Variants in HAAO observed in about 807,000 individuals in gnomAD.
The protein encoded by HAAO is 3-hydroxyanthranilate oxygenase.
A neutral mutation model predicts 46.2 loss-of-function variants in HAAO; 49 were observed. The ratio of observed to expected loss-of-function variants is 1.06; its 90% confidence interval spans 0.84 to 1.34. The LOEUF (loss-of-function observed/expected upper bound fraction) is 1.34. Ranked by LOEUF, HAAO falls within the 40% of genes most tolerant of loss-of-function variation. HAAO has a pLI of 0.00. For missense variants in HAAO, 408 were observed against 364.5 expected (o/e 1.12, Z -0.97); for synonymous variants, 157 against 145.2 (o/e 1.08, Z -0.58).
At chr2:42,768,225 A>G (rs1670821504) in intron 7 of HAAO, among the ~76,000 whole-genome samples, 1 of 152,226 alleles carries the variant, frequency 6.6e-6, no homozygotes, top group Admixed American at 6.5e-5. Flanking sequence ...ACCAGGGCAC[A>G]TGAGGGACGC....
At chr2:42,792,099 C>T (rs2104675861) in intron 1 of HAAO, among the ~76,000 whole-genome samples, 1 of 152,258 alleles carries the variant, frequency 6.6e-6, no homozygotes, top group Non-Finnish European at 1.5e-5. Context: ...TGCATTTCTG[C>T]CTTGAAAACC....
chr2:42,786,574 C>T (rs1347840967), intron 2 of HAAO, among the ~76,000 whole-genome samples: 1 of 152,164 alleles, frequency 6.6e-6, no homozygotes, highest in Non-Finnish European at 1.5e-5. Context: ...GCTGTTGTCC[C>T]CATGTGCTTA....
chr2:42,772,310 G>A (rs754946308), intron 4 of HAAO, among the ~76,000 whole-genome samples: 25 of 151,626 alleles, frequency 1.6e-4, no homozygotes, highest in Non-Finnish European at 3.2e-4. Flanking sequence ...GTGAAACCTC[G>A]TCTCTACTAA....
At chr2:42,770,369 G>C (rs1259567008) in intron 5 of HAAO, 124 bp downstream of exon 5, 11 of 904,368 alleles carry the variant, frequency 1.2e-5, no homozygotes, top group Non-Finnish European at 1.7e-5. Context: ...CCCTCCCCCC[G>C]GCCTGGCAGT....
In HAAO at chr2:42,783,355, C is replaced by G; in HGVS notation, c.309G>C (p.Val103=). ...CGGTCTCCAGCCGCCTTCGCTCAAC[C>G]ACCAGCCCCACGGTGTTGGCAAACC... ...PQRFANTVGL[V]VERRRLETEL... is the part of the protein sequence containing the mutation. Residue 103 remains valine, a synonymous_variant, in exon 4 of 10, where the codon GTG becomes GTC. Transcript: ENST00000294973. The G allele has an allele frequency of 6.2e-7, 1 of 1,613,476 alleles. No individual in the cohort carries two copies. Among genetic ancestry groups the G allele is most frequent in the South Asian group, 1.1e-5 (1 of 90,908 alleles).
chr2:42,789,948 C>CA (rs1415477852), intron 1 of HAAO, among the ~76,000 whole-genome samples: 1 of 152,176 alleles, frequency 6.6e-6, no homozygotes, highest in Non-Finnish European at 1.5e-5. Context: ...CCACAGAGGG[C>CA]AGGGGCAAGG....
chr2:42,792,565 T>G lies in HAAO; in HGVS notation c.-29A>C. On this transcript the variant is annotated 5_prime_UTR_variant, in exon 1 of 10. Coordinates refer to ENST00000294973, the MANE Select transcript of HAAO (RefSeq NM_012205.3). ...TGTCCCGGGCGCCTCCTCGCAGCGC[T>G]GTCCTCCCGCCGTCGGAGGCCCGCA... 1 of 1,499,946 alleles carries G rather than the reference T, an allele frequency of 6.7e-7. No individual in the cohort carries two copies. The highest frequency in any genetic ancestry group is 8.9e-7 in the Non-Finnish European group (1 of 1,122,170). 92.9% of individuals were successfully genotyped at this position (1,499,946 alleles called of 1,614,324 possible).
At position 42,783,885 on chromosome 2, in the gene HAAO, G is replaced by C; in HGVS notation, c.160-18C>G. 6.2e-7 allele frequency: 1 copy of C among 1,601,064 alleles called. No individual in the cohort carries two copies. The highest frequency in any genetic ancestry group is 8.5e-7 in the Non-Finnish European group (1 of 1,173,112). ...TAAAATACCTGTGGGACAGGAGAGAGGCTTGGACCCTCCGCACTTTCTCTT... is the reference window on the plus strand; with the variant it reads ...TAAAATACCTGTGGGACAGGAGAGACGCTTGGACCCTCCGCACTTTCTCTT... On this transcript the variant is annotated intron_variant, in intron 2 of 9. Coordinates refer to ENST00000294973, the MANE Select transcript of HAAO (RefSeq NM_012205.3).
At chr2:42,785,297 A>C (rs755651379) in intron 2 of HAAO, among the ~76,000 whole-genome samples, 1 of 152,222 alleles carries the variant, frequency 6.6e-6, no homozygotes, top group Non-Finnish European at 1.5e-5. Flanking sequence ...AAATGTAAAT[A>C]TTTGATGGTA....
intron 1 of HAAO, 59 bp from the exon 2 acceptor site, chr2:42,788,666 C>T (rs1298620379): frequency 2.7e-6 from 3 of 1,117,948 alleles, no homozygotes; most frequent in South Asian, 1.3e-5. Context: ...GAAGAGAGCA[C>T]GGGTCCCGTG....
intron 7 of HAAO, among the ~76,000 whole-genome samples, chr2:42,768,581 GC>G (rs1289532728): frequency 3.3e-5 from 5 of 152,146 alleles, no homozygotes; most frequent in African/African-American, 9.7e-5. Flanking sequence ...GAAGCCTGTG[GC>G]CATGAGCATC....
intron 4 of HAAO, among the ~76,000 whole-genome samples, chr2:42,775,535 T>A (rs1412343060): frequency 6.6e-6 from 1 of 152,034 alleles, no homozygotes; most frequent in Non-Finnish European, 1.5e-5. Flanking sequence ...AAGGGGTGTG[T>A]GTGTGTGTGT....
At chr2:42,782,806 C>A in intron 4 of HAAO, 1 of 402,300 alleles carries the variant, frequency 2.5e-6, no homozygotes, top group Non-Finnish European at 5.1e-6. Flanking sequence ...AGTCTTCCCA[C>A]CTTTGCTTGG....
chr2:42,785,524 T>C (rs921374769), intron 2 of HAAO, among the ~76,000 whole-genome samples: 1 of 152,212 alleles, frequency 6.6e-6, no homozygotes, highest in Non-Finnish European at 1.5e-5. Context: ...TTTTTCTTTC[T>C]ATATTTCTCA....
intron 4 of HAAO, among the ~76,000 whole-genome samples, chr2:42,771,716 G>A (rs1016775205): frequency 6.6e-6 from 1 of 152,274 alleles, no homozygotes; most frequent in African/African-American, 2.4e-5. Flanking sequence ...TGCACATGGT[G>A]GGTGCCAGGA....
Position 42,792,523 on chromosome 2 carries a change from A to G in HAAO, c.14T>C (p.Leu5Pro), listed in dbSNP as rs765416653. The change falls in exon 1 of 10, where the codon CTG becomes CCG. Residue 5 changes from leucine to proline, a missense_variant. Coordinates refer to ENST00000294973, the MANE Select transcript of HAAO (RefSeq NM_012205.3). MERR[L>P]GVRAWVKENR... ...CTCCTTCACCCAGGCCCTCACTCCC[A>G]GGCGGCGCTCCATGACTGTCCCGGG... 1.3e-6 allele frequency: 2 copies of G among 1,591,036 alleles called. No homozygotes were observed. The highest frequency in any genetic ancestry group is 1.4e-5 in the African/African-American group (1 of 72,944).
intron 3 of HAAO, 88 bp from the exon 4 acceptor site, chr2:42,783,508 A>AC: frequency 1.2e-6 from 1 of 852,790 alleles, no homozygotes; most frequent in Non-Finnish European, 1.9e-6. Context: ...TCCCCAGCTG[A>AC]CCCCCGGGCA....
intron 1 of HAAO, among the ~76,000 whole-genome samples, chr2:42,790,486 G>A (rs1672706993): frequency 6.6e-6 from 1 of 151,042 alleles, no homozygotes; most frequent in Non-Finnish European, 1.5e-5. Context: ...GACCAGCCAT[G>A]GAGTCTGGTC....
At chr2:42,787,413 C>T (rs1419063480) in intron 2 of HAAO, among the ~76,000 whole-genome samples, 1 of 152,198 alleles carries the variant, frequency 6.6e-6, no homozygotes, top group African/African-American at 2.4e-5. Flanking sequence ...CAGGTCTACC[C>T]ACCTCCTCAG....
Sources: allele counts gnomAD v4.1 joint callset (sites outside exome capture counted in the v4.1 genomes callset), GRCh38; gene constraint gnomAD v4.1.1; transcripts MANE v1.5; gene names NCBI Gene and HGNC (gene_info 2026-07-23, HGNC 2026-07-21).